BCAS1: variants seen among roughly 807,000 people sequenced by gnomAD.
BCAS1 encodes breast carcinoma-amplified sequence 1.
Under a neutral mutation model 65.4 loss-of-function variants are expected in BCAS1, and 46 were observed. The observed-to-expected ratio is 0.70, with a 90% confidence interval of 0.55 to 0.90. BCAS1 has a LOEUF of 0.90. Ranked by LOEUF, BCAS1 falls within the 40% of genes least tolerant of loss-of-function variation. The pLI is 0.00. For synonymous variants in BCAS1, 298 were observed against 293.5 expected, an observed-to-expected ratio of 1.02 and a Z score of -0.16; for missense variants, 793 against 771.2, an observed-to-expected ratio of 1.03 and a Z score of -0.33.
intron 3 of BCAS1, 114 bp downstream of exon 3, chr20:54,057,971 A>T: frequency 1.2e-6 from 1 of 817,152 alleles, no homozygotes; most frequent in Non-Finnish European, 2.0e-6. Flanking sequence ...AGTATTTTCA[A>T]ACTGAGCCTG....
At chr20:53,972,925 T>C (rs532233497) in intron 9 of BCAS1, among the ~76,000 whole-genome samples, 1 of 152,328 alleles carries the variant, frequency 6.6e-6, no homozygotes, top group Admixed American at 6.5e-5. Context: ...AGTGATAGGC[T>C]GTCAGAAGAT....
intron 7 of BCAS1, among the ~76,000 whole-genome samples, chr20:53,988,709 C>G (rs962062091): frequency 3.3e-5 from 5 of 152,160 alleles, no homozygotes; most frequent in African/African-American, 4.8e-5. Context: ...TTACTGTTAG[C>G]TGTAATTTCC....
chr20:54,013,990 T>C lies in BCAS1; in HGVS notation c.723+14402A>G, dbSNP rs545930585. Reference sequence around the variant, plus strand: ...TTTTTTGTTTTGAACAGAGTGAATATGTTACGTATTAAAATTAAGACTAAA... The same window carrying C: ...TTTTTTGTTTTGAACAGAGTGAATACGTTACGTATTAAAATTAAGACTAAA... On this transcript the variant is annotated intron_variant, in intron 4 of 12. Transcript: ENST00000688948. Among the ~76,000 whole-genome samples the C allele has an allele frequency of 1.2e-4, 19 of 152,370 alleles. 1 individual carries two copies. In the South Asian group the frequency reaches 3.7e-3, roughly 30 times the overall value.
intron 7 of BCAS1, among the ~76,000 whole-genome samples, chr20:53,991,957 G>A (rs918860947): frequency 1.3e-5 from 2 of 152,142 alleles, no homozygotes; most frequent in African/African-American, 4.8e-5. Flanking sequence ...TCAGTCTGGT[G>A]ATGGTACATC....
At chr20:54,068,874 C>A (rs1305721281) in intron 1 of BCAS1, among the ~76,000 whole-genome samples, 1 of 152,062 alleles carries the variant, frequency 6.6e-6, no homozygotes. Context: ...AAAGGTACCC[C>A]CGCCCCCAAC....
intron 4 of BCAS1, among the ~76,000 whole-genome samples, chr20:54,008,627 C>T (rs1264242071): frequency 6.6e-6 from 1 of 152,126 alleles, no homozygotes; most frequent in Non-Finnish European, 1.5e-5. Flanking sequence ...GGACAGCCAG[C>T]TAAAATAGAA....
chr20:54,001,924 A>G (rs2091064821), intron 4 of BCAS1, among the ~76,000 whole-genome samples: 2 of 152,144 alleles, frequency 1.3e-5, no homozygotes, highest in Non-Finnish European at 2.9e-5. Context: ...CTCGCTAATG[A>G]GGAAAGACCC....
chr20:53,973,691 G>T (rs1021721887), intron 9 of BCAS1, among the ~76,000 whole-genome samples: 2 of 152,202 alleles, frequency 1.3e-5, no homozygotes, highest in South Asian at 2.1e-4. Context: ...CTCCTTGTAG[G>T]TTGCGGGAAT....
intron 1 of BCAS1, among the ~76,000 whole-genome samples, chr20:54,064,852 T>C (rs535404849): frequency 4.6e-5 from 7 of 152,296 alleles, no homozygotes; most frequent in African/African-American, 1.4e-4. Flanking sequence ...CTGATTTGCA[T>C]ATATTTGCCT....
chr20:53,945,893 T>A (rs1274470684), intron 12 of BCAS1, among the ~76,000 whole-genome samples: 2 of 152,110 alleles, frequency 1.3e-5, no homozygotes, highest in Non-Finnish European at 2.9e-5. Flanking sequence ...CACGTCAGCC[T>A]CCCCAGTAGC....
intron 6 of BCAS1, among the ~76,000 whole-genome samples, chr20:53,994,677 G>A (rs2276495): frequency 0.041 from 6,192 of 151,830 alleles, 517 homozygotes; most frequent in East Asian, 0.36. Context: ...GTCCCTCTAC[G>A]CACAACTAAA....
intron 1 of BCAS1, among the ~76,000 whole-genome samples, chr20:54,067,763 A>AG (rs1392757551): frequency 1.3e-5 from 2 of 152,080 alleles, no homozygotes; most frequent in African/African-American, 2.4e-5. Context: ...GTTGAATGGG[A>AG]GGGGGGGTGG....
intron 9 of BCAS1, among the ~76,000 whole-genome samples, chr20:53,968,541 G>C (rs1408893851): frequency 6.6e-6 from 1 of 152,198 alleles, no homozygotes; most frequent in Non-Finnish European, 1.5e-5. Context: ...ATTTGATTCA[G>C]GGAGTTGCCC....
At chr20:54,000,732 T>G (rs891346497) in intron 4 of BCAS1, among the ~76,000 whole-genome samples, 1 of 148,000 alleles carries the variant, frequency 6.8e-6, no homozygotes, top group Non-Finnish European at 1.5e-5. Context: ...TGTATTTAAA[T>G]TCACAATTTT....
intron 3 of BCAS1, among the ~76,000 whole-genome samples, chr20:54,033,924 A>T (rs1429937139): frequency 6.6e-6 from 1 of 151,464 alleles, no homozygotes; most frequent in Non-Finnish European, 1.5e-5. Flanking sequence ...TGAATCCAGC[A>T]GCACACCAAA....
At chr20:53,991,669 C>T (rs770374103) in intron 7 of BCAS1, among the ~76,000 whole-genome samples, 3 of 152,172 alleles carry the variant, frequency 2.0e-5, no homozygotes, top group Non-Finnish European at 4.4e-5. Context: ...CTGAAACATG[C>T]TCTGCCTTCA....
chr20:53,988,253 C>A (rs1008489777), intron 7 of BCAS1, among the ~76,000 whole-genome samples: 1 of 152,126 alleles, frequency 6.6e-6, no homozygotes, highest in African/African-American at 2.4e-5. Context: ...AACAAGGTCC[C>A]CAGGTCCTGG....
At chr20:53,963,869 C>G (rs970542730) in intron 10 of BCAS1, among the ~76,000 whole-genome samples, 4 of 152,206 alleles carry the variant, frequency 2.6e-5, no homozygotes, top group African/African-American at 9.6e-5. Flanking sequence ...GACATTAACA[C>G]ATGTGCATAG....
At chr20:53,996,477 AAAAAAG>A (rs989806417) in intron 4 of BCAS1, among the ~76,000 whole-genome samples, 7 of 145,268 alleles carry the variant, frequency 4.8e-5, no homozygotes, top group African/African-American at 1.1e-4. Flanking sequence ...AAAAAAAAAA[AAAAAAG>A]AAAAAGAAAA....
Sources: allele counts gnomAD v4.1 joint callset (sites outside exome capture counted in the v4.1 genomes callset), GRCh38; gene constraint gnomAD v4.1.1; transcripts MANE v1.5; gene names NCBI Gene and HGNC (gene_info 2026-07-23, HGNC 2026-07-21).